ZSWIM2: variants seen among roughly 807,000 people sequenced by gnomAD.
ZSWIM2 encodes the protein zinc finger SWIM-type containing 2.
Under a neutral mutation model 48.4 loss-of-function variants are expected in ZSWIM2, and 38 were observed. That is an observed-to-expected ratio of 0.79 (90% CI 0.61 to 1.03). ZSWIM2 has a LOEUF of 1.03. ZSWIM2 is among the 50% of genes least tolerant of loss of function. The pLI is 0.00. For synonymous variants in ZSWIM2, 240 were observed against 251.3 expected (o/e 0.96, Z 0.42); for missense variants, 776 against 730.2 (o/e 1.06, Z -0.72).
chr2:186,847,688 A>G (rs1692030326), intron 2 of ZSWIM2, 31 bp downstream of exon 2: 1 of 1,528,952 alleles, frequency 6.5e-7, no homozygotes, highest in Non-Finnish European at 8.9e-7. Context: ...ATGTTCCTTC[A>G]TGGAAGATCT....
chr2:186,833,120 C>G lies in ZSWIM2; in HGVS notation c.941G>C (p.Gly314Ala), dbSNP rs1248478258. 2 of 1,425,426 alleles carry G rather than the reference C, an allele frequency of 1.4e-6. No homozygotes were observed. The highest frequency in any genetic ancestry group is 1.9e-6 in the Non-Finnish European group (2 of 1,056,188). 88.3% of individuals were successfully genotyped at this position (1,425,426 alleles called of 1,614,324 possible). A position where few individuals can be genotyped will look rare whatever the true frequency, so the allele number is the denominator to read the frequency against. ...EKMSHFQEKQ[G>A]QVYTPKHIVR... ...ATATAAAATTTACTGGGAACCTCAC[C>G]CTTGCTTTTCTTGAAAATGTGACAT... The change falls in exon 7 of 9, where the codon GGC becomes GCC. Residue 314 changes from glycine to alanine, a missense_variant and splice_region_variant. Gly to Ala is a moderately conservative substitution (Grantham distance 60). Coordinates refer to ENST00000295131, the MANE Select transcript of ZSWIM2 (RefSeq NM_182521.3).
chr2:186,829,950 G>A, intron 7 of ZSWIM2, 70 bp from the exon 8 acceptor site: 3 of 1,485,378 alleles, frequency 2.0e-6, no homozygotes, highest in South Asian at 1.2e-5. Context: ...CAATAGCACA[G>A]GTAAATAGTC....
In ZSWIM2 at chr2:186,829,764, A is replaced by G; in HGVS notation, c.1058T>C (p.Leu353Pro). Reference sequence around the variant, plus strand: ...TGGTAGCAATCTTGTATGTTGACCAAGATGAAATGCCTTCAAACAAAGTAG... The same window carrying G: ...TGGTAGCAATCTTGTATGTTGACCAGGATGAAATGCCTTCAAACAAAGTAG... ...QCLLCLKAFHLGQHTRLLPCT... is the reference protein window; with the variant it reads ...QCLLCLKAFHPGQHTRLLPCT... The change falls in exon 8 of 9, where the codon CTT (leucine) becomes CCT (proline). Residue 353 changes from leucine (L) to proline (P), a missense_variant. Transcript: ENST00000295131. The G allele has an allele frequency of 3.1e-6, 5 of 1,613,532 alleles. No individual in the cohort carries two copies. Among genetic ancestry groups the G allele is most frequent in the Non-Finnish European group, 3.4e-6 (4 of 1,179,710 alleles).
intron 7 of ZSWIM2, among the ~76,000 whole-genome samples, chr2:186,830,640 A>C (rs1203648396): frequency 6.7e-6 from 1 of 148,222 alleles, no homozygotes; most frequent in African/African-American, 2.4e-5. Flanking sequence ...ATAAGAGATA[A>C]GGAAATTTGT....
At chr2:186,829,267 A>T (rs1452215078) in intron 8 of ZSWIM2, among the ~76,000 whole-genome samples, 1 of 152,120 alleles carries the variant, frequency 6.6e-6, no homozygotes, top group Non-Finnish European at 1.5e-5. Context: ...TCAGAAAAAA[A>T]GTTGGTTATC....
At chr2:186,829,156 C>T (rs994205501) in intron 8 of ZSWIM2, among the ~76,000 whole-genome samples, 12 of 152,042 alleles carry the variant, frequency 7.9e-5, no homozygotes, top group African/African-American at 2.9e-4. Context: ...TATAAAATAA[C>T]AAATTAAGTT....
chr2:186,831,552 G>A (rs1199226154), intron 7 of ZSWIM2, among the ~76,000 whole-genome samples: 6 of 151,952 alleles, frequency 3.9e-5, no homozygotes, highest in Non-Finnish European at 8.8e-5. Flanking sequence ...TATAAATCAT[G>A]CTGCTATAAA....
At chr2:186,841,966 CT>C (rs1691911384) in intron 3 of ZSWIM2, among the ~76,000 whole-genome samples, 1 of 151,130 alleles carries the variant, frequency 6.6e-6, no homozygotes, top group South Asian at 2.1e-4. Context: ...GTAAATCTAG[CT>C]TTTTTTGGGA....
chr2:186,847,959 T>G (rs1176137483), intron 1 of ZSWIM2, among the ~76,000 whole-genome samples, 164 bp from the exon 2 acceptor site: 1 of 112,868 alleles, frequency 8.9e-6, no homozygotes, highest in Non-Finnish European at 1.7e-5. Context: ...GTCTCTAGGC[T>G]TCATTATTTA....
intron 3 of ZSWIM2, among the ~76,000 whole-genome samples, chr2:186,843,431 G>A (rs1227233974): frequency 6.6e-6 from 1 of 151,602 alleles, no homozygotes; most frequent in East Asian, 1.9e-4. Flanking sequence ...AAACAAGGAG[G>A]CTACACAGAA....
Position 186,828,751 on chromosome 2 carries a change from A to C in ZSWIM2, c.1135T>G (p.Cys379Gly), listed in dbSNP as rs754390872. The change falls in exon 9 of 9, where the codon TGC (cysteine) becomes GGC (glycine). Residue 379 changes from cysteine to glycine, a missense_variant. Transcript: ENST00000295131. Reference protein sequence around the residue: ...KCIDNWLFHKCNSCPIDGQVI... With the variant: ...KCIDNWLFHKGNSCPIDGQVI... ...TGTCCATCAATAGGGCATGAATTGC[A>C]CTTGTGGAATAACCAGTTGTCAATA... 1 of 1,596,312 alleles carries C rather than the reference A, an allele frequency of 6.3e-7. No individual in the cohort carries two copies. The highest frequency in any genetic ancestry group is 8.5e-7 in the Non-Finnish European group (1 of 1,172,018).
intron 3 of ZSWIM2, 85 bp from the exon 4 acceptor site, chr2:186,839,254 T>C (rs1691860596): frequency 3.3e-6 from 4 of 1,219,394 alleles, no homozygotes; most frequent in Non-Finnish European, 4.7e-6. Flanking sequence ...AGTTAGAATT[T>C]TCTTTCAAAT....
chr2:186,835,724 A>T (rs1306152995), intron 5 of ZSWIM2, among the ~76,000 whole-genome samples: 4 of 152,238 alleles, frequency 2.6e-5, no homozygotes, highest in African/African-American at 9.6e-5. Flanking sequence ...GTGTTCCTAA[A>T]GGAAATGGAA....
In ZSWIM2 at chr2:186,842,591, T is replaced by C. The variant is rs78391814; in HGVS notation, c.283+2126A>G. Among the ~76,000 whole-genome samples the C allele has an allele frequency of 4.5e-3, 676 of 151,538 alleles. 5 individuals are homozygous for C. The highest frequency in any genetic ancestry group is 0.015 in the African/African-American group (617 of 41,498). The stretch of plus-strand genomic sequence containing the variant: ...TGTGTTTGCAGATAAAAGACATTCA[T>C]ATACTAGCAATACATACGATTCAAT... On this transcript the variant is annotated intron_variant, in intron 3 of 8. Transcript: ENST00000295131.
rs1371048213 is a variant in ZSWIM2, at chr2:186,833,144, A to G, written c.917T>C (p.Met306Thr). The G allele has an allele frequency of 3.0e-5, 45 of 1,498,622 alleles. No individual in the cohort carries two copies. The highest frequency in any genetic ancestry group is 3.9e-5 in the Non-Finnish European group (44 of 1,118,758). The allele number at this position is 1,498,622 out of a possible 1,614,324, so 92.8% of individuals were successfully genotyped here. A position where few individuals can be genotyped will look rare whatever the true frequency, so the allele number is the denominator to read the frequency against. The stretch of plus-strand genomic sequence containing the variant: ...CCCTTGCTTTTCTTGAAAATGTGAC[A>G]TCTTTTCTTCAATCTCATTTTTAGT... ...IDTKNEIEEKMSHFQEKQGQV... is the reference protein window; with the variant it reads ...IDTKNEIEEKTSHFQEKQGQV... The change falls in exon 7 of 9, where the codon ATG (methionine) becomes ACG (threonine). Residue 306 changes from methionine (M) to threonine (T), a missense_variant. Met to Thr is a moderately conservative substitution (Grantham distance 81). Coordinates refer to ENST00000295131, the MANE Select transcript of ZSWIM2 (RefSeq NM_182521.3).
At chr2:186,836,440 T>A in intron 5 of ZSWIM2, among the ~76,000 whole-genome samples, 1 of 152,114 alleles carries the variant, frequency 6.6e-6, no homozygotes, top group Admixed American at 6.6e-5. Flanking sequence ...AACTTTCTTT[T>A]GTGTTACACA....
intron 7 of ZSWIM2, among the ~76,000 whole-genome samples, chr2:186,830,347 A>G (rs1691676408): frequency 6.6e-6 from 1 of 152,164 alleles, no homozygotes; most frequent in African/African-American, 2.4e-5. Flanking sequence ...ACGGCACTGT[A>G]CTTCAGCCTG....
chr2:186,841,447 A>C (rs1046557411), intron 3 of ZSWIM2, among the ~76,000 whole-genome samples: 2 of 151,392 alleles, frequency 1.3e-5, no homozygotes, highest in Non-Finnish European at 3.0e-5. Flanking sequence ...TTCTGAAATC[A>C]CTGTAAATCA....
At chr2:186,832,961 C>T (rs1054559352) in intron 7 of ZSWIM2, among the ~76,000 whole-genome samples, 159 bp downstream of exon 7, 1 of 152,118 alleles carries the variant, frequency 6.6e-6, no homozygotes, top group African/African-American at 2.4e-5. Context: ...TCTTACTCTA[C>T]AGCCCTGCTC....
Sources: gnomAD v4.1 joint callset for allele counts (sites outside exome capture counted in the v4.1 genomes callset) on GRCh38, gnomAD v4.1.1 for gene constraint, MANE v1.5 for transcripts, NCBI Gene and HGNC (gene_info 2026-07-23, HGNC 2026-07-21) for gene names.